The following PLD5 variants were observed in gnomAD, a reference collection of about 807,000 sequenced individuals.
The protein encoded by PLD5 is inactive phospholipase D5.
In PLD5, 36 loss-of-function variants were observed where a neutral mutation model predicts 61.1. The observed-to-expected ratio is 0.59, with a 90% CI of 0.45 to 0.78. PLD5 has a LOEUF of 0.78. Among genes scored for constraint, PLD5 ranks in the 30% least tolerant of loss-of-function variants. PLD5 has a pLI of 0.00. For missense variants in PLD5, 515 were observed against 644.4 expected (o/e 0.80, Z 2.17); for synonymous variants, 243 against 242.8 (o/e 1.00, Z -0.01).
intron 5 of PLD5, among the ~76,000 whole-genome samples, chr1:242,147,822 CTGTT>C (rs995204919): frequency 3.3e-5 from 5 of 152,126 alleles, no homozygotes; most frequent in Non-Finnish European, 7.3e-5. Flanking sequence ...TGGGATGTGT[CTGTT>C]CACATATTTG....
At chr1:242,503,679 T>G (rs887478639) in intron 1 of PLD5, among the ~76,000 whole-genome samples, 1 of 152,180 alleles carries the variant, frequency 6.6e-6, no homozygotes, top group Non-Finnish European at 1.5e-5. Flanking sequence ...ATGGAACTCT[T>G]TGGCCAATGA....
chr1:242,107,912 G>T, intron 7 of PLD5, 73 bp from the exon 8 acceptor site: 1 of 1,363,060 alleles, frequency 7.3e-7, no homozygotes. Flanking sequence ...AGACAGCATA[G>T]AACATTGATA....
At chr1:242,250,222 T>C (rs1175906148) in intron 4 of PLD5, among the ~76,000 whole-genome samples, 1 of 152,246 alleles carries the variant, frequency 6.6e-6, no homozygotes, top group Non-Finnish European at 1.5e-5. Flanking sequence ...TGAAGTGTAC[T>C]CTATGTAGTG....
In PLD5 at chr1:242,461,913, G is replaced by GT. The variant is rs142286528; in HGVS notation, c.189+62174dup. 9.8e-3 allele frequency among the ~76,000 whole-genome samples: 1,488 copies of GT among 152,206 alleles called. 28 individuals carry two copies. Among genetic ancestry groups the GT allele is most frequent in the African/African-American group, 0.034 (1,418 of 41,544 alleles). On this transcript the variant is annotated intron_variant, in intron 1 of 9. Transcript: ENST00000536534. Reference sequence around the variant, plus strand: ...CATGTCCTTTGCCCATTTTTAGTGGGTTTATTTGTTTTTTGCTTATTGATT... The same window carrying GT: ...CATGTCCTTTGCCCATTTTTAGTGGGTTTTATTTGTTTTTTGCTTATTGATT...
At chr1:242,217,747 G>C (rs1233281317) in intron 5 of PLD5, among the ~76,000 whole-genome samples, 1 of 152,214 alleles carries the variant, frequency 6.6e-6, no homozygotes, top group Admixed American at 6.5e-5. Flanking sequence ...AGTGCAGGAA[G>C]TCACTGCAGA....
intron 1 of PLD5, among the ~76,000 whole-genome samples, chr1:242,498,580 T>A (rs1324828366): frequency 6.6e-6 from 1 of 152,270 alleles, no homozygotes; most frequent in African/African-American, 2.4e-5. Context: ...CTTGCCTGGA[T>A]GTGCCAGAAT....
chr1:242,501,916 T>A (rs1668567089), intron 1 of PLD5, among the ~76,000 whole-genome samples: 1 of 152,118 alleles, frequency 6.6e-6, no homozygotes, highest in African/African-American at 2.4e-5. Flanking sequence ...TAAGTTAATA[T>A]CTGTTAATTG....
At position 242,524,283 on chromosome 1, in the gene PLD5, A is replaced by C. The variant is rs554428500; in HGVS notation, c.-7T>G. 1.6e-5 allele frequency: 23 copies of C among 1,402,118 alleles called. No homozygotes were observed. The East Asian group carries it at 6.9e-4, about 42-fold the overall frequency. 86.9% of individuals were successfully genotyped at this position (1,402,118 alleles called of 1,614,324 possible). ...CGTGCTGCCGGATCTCCATCCTGAC[A>C]TGACCGGGCGGCCGCCGGCGAGCAG... On this transcript the variant is annotated 5_prime_UTR_variant, in exon 1 of 10. The change abolishes an upstream ATG in the 5' untranslated region. Coordinates refer to ENST00000536534, the MANE Select transcript of PLD5 (RefSeq NM_001372062.1).
chr1:242,089,822 T>A lies in PLD5; in HGVS notation c.*32A>T. The stretch of plus-strand genomic sequence containing the variant: ...AAGTCCTTTATGTATAAATATGAAA[T>A]ACAGAGCTGTCCTGTCAGTTTCTTC... On this transcript the variant is annotated 3_prime_UTR_variant, in exon 10 of 10. Coordinates refer to ENST00000536534, the MANE Select transcript of PLD5 (RefSeq NM_001372062.1). The A allele has an allele frequency of 6.2e-7, 1 of 1,612,240 alleles. No homozygotes were observed. Among genetic ancestry groups the A allele is most frequent in the Non-Finnish European group, 8.5e-7 (1 of 1,178,430 alleles).
intron 1 of PLD5, among the ~76,000 whole-genome samples, chr1:242,466,663 C>A (rs779750766): frequency 6.6e-6 from 1 of 152,052 alleles, no homozygotes; most frequent in Non-Finnish European, 1.5e-5. Context: ...TAGGCCAAGG[C>A]GGGCAGATGA....
At chr1:242,109,249 C>A (rs536977786) in intron 7 of PLD5, among the ~76,000 whole-genome samples, 1 of 152,162 alleles carries the variant, frequency 6.6e-6, no homozygotes, top group Admixed American at 6.5e-5. Flanking sequence ...AAGGCCAAGG[C>A]GGTGGATCAC....
At chr1:242,290,655 G>A (rs1467440938) in intron 2 of PLD5, among the ~76,000 whole-genome samples, 3 of 151,928 alleles carry the variant, frequency 2.0e-5, no homozygotes, top group East Asian at 1.9e-4. Context: ...TAGACCAGGG[G>A]AAAAAAAGAA....
At chr1:242,502,273 T>C (rs902466199) in intron 1 of PLD5, among the ~76,000 whole-genome samples, 1 of 152,214 alleles carries the variant, frequency 6.6e-6, no homozygotes, top group Non-Finnish European at 1.5e-5. Context: ...ACAATGTCGA[T>C]GGCCACCGTC....
chr1:242,382,851 G>T (rs1043512711), intron 1 of PLD5, among the ~76,000 whole-genome samples: 1 of 152,092 alleles, frequency 6.6e-6, no homozygotes, highest in Non-Finnish European at 1.5e-5. Context: ...AATATTGATG[G>T]TTATTAATTA....
At chr1:242,325,630 C>A (rs964656624) in intron 2 of PLD5, among the ~76,000 whole-genome samples, 1 of 151,798 alleles carries the variant, frequency 6.6e-6, no homozygotes, top group Non-Finnish European at 1.5e-5. Flanking sequence ...GAATTTGAAC[C>A]CTTTCATGCT....
At chr1:242,467,530 T>C (rs1436829919) in intron 1 of PLD5, among the ~76,000 whole-genome samples, 1 of 152,228 alleles carries the variant, frequency 6.6e-6, no homozygotes, top group Non-Finnish European at 1.5e-5. Flanking sequence ...AGCAATCTCG[T>C]TTCTTGACCA....
intron 1 of PLD5, among the ~76,000 whole-genome samples, chr1:242,422,534 G>A (rs1264180485): frequency 6.6e-6 from 1 of 152,166 alleles, no homozygotes; most frequent in African/African-American, 2.4e-5. Flanking sequence ...GATTGCAACT[G>A]TAATACTTTG....
chr1:242,357,214 G>A (rs1468263772), intron 1 of PLD5, among the ~76,000 whole-genome samples: 1 of 151,564 alleles, frequency 6.6e-6, no homozygotes, highest in Non-Finnish European at 1.5e-5. Flanking sequence ...TGGCAGGGTT[G>A]TTTTTTGTTT....
chr1:242,389,647 A>G lies in PLD5; in HGVS notation c.190-41405T>C, dbSNP rs555356190. 1.2e-3 allele frequency among the ~76,000 whole-genome samples: 184 copies of G among 152,006 alleles called. 8 individuals are homozygous for G. The South Asian group carries it at 0.03, about 25-fold the overall frequency. On this transcript the variant is annotated intron_variant, in intron 1 of 9. Transcript: ENST00000536534. ...TAAATATGCCACTTAGAATTCCTAT[A>G]CCCTTCCTTGGGCAATATAAAATGA...
Sources: allele counts gnomAD v4.1 joint callset (sites outside exome capture counted in the v4.1 genomes callset), GRCh38; gene constraint gnomAD v4.1.1; transcripts MANE v1.5; gene names NCBI Gene and HGNC (gene_info 2026-07-23, HGNC 2026-07-21).